Variants in SLC19A1 observed in about 807,000 individuals in gnomAD.
SLC19A1 encodes reduced folate transporter.
Under a neutral mutation model 35.3 loss-of-function variants are expected in SLC19A1, and 37 were observed. The observed-to-expected ratio is 1.05, with a 90% CI of 0.81 to 1.38. SLC19A1 has a LOEUF of 1.38. SLC19A1 is among the 40% of genes most tolerant of loss of function. The pLI, the probability that SLC19A1 is intolerant of heterozygous loss-of-function variation, is 0.00. For synonymous variants in SLC19A1, 460 were observed against 398.5 expected (o/e 1.15, Z -1.84); for missense variants, 831 against 826.9 (o/e 1.00, Z -0.06).
intron 3 of SLC19A1, chr21:45,505,146 G>A (rs1403429310): frequency 6.2e-7 from 1 of 1,609,488 alleles, no homozygotes; most frequent in Admixed American, 1.7e-5. Context: ...TCCCAAGGGA[G>A]AGAGCATCCG....
chr21:45,503,116 T>C (rs961338734), intron 3 of SLC19A1: 17 of 152,196 alleles, frequency 1.1e-4, no homozygotes, highest in Admixed American at 3.3e-4. Context: ...AAATGGTATT[T>C]CTAGTTCTAG....
chr21:45,507,411 C>T (rs957637475), intron 3 of SLC19A1: 29 of 650,730 alleles, frequency 4.5e-5, no homozygotes, highest in Non-Finnish European at 7.2e-5. Flanking sequence ...CTGGCACAGG[C>T]TTGGAGGGGC....
intron 1 of SLC19A1, among the ~76,000 whole-genome samples, chr21:45,560,403 G>A (rs564749498): frequency 4.6e-5 from 7 of 151,844 alleles, no homozygotes; most frequent in Middle Eastern, 3.4e-3. Flanking sequence ...TCTTGGAGAC[G>A]CTATGTGGGA....
chr21:45,553,275 G>T (rs2078485817), intron 1 of SLC19A1, among the ~76,000 whole-genome samples: 1 of 151,966 alleles, frequency 6.6e-6, no homozygotes. Flanking sequence ...CTGACCTTTA[G>T]GACCTGTGCA....
At chr21:45,562,710 C>T (rs754041798) in intron 1 of SLC19A1, among the ~76,000 whole-genome samples, 4 of 152,192 alleles carry the variant, frequency 2.6e-5, no homozygotes, top group African/African-American at 4.8e-5. Flanking sequence ...AACCACAGGA[C>T]GGAGTCCCAG....
At chr21:45,504,523 CCCCCCAGG>C (rs2037066973) in intron 3 of SLC19A1, 1 of 1,510,642 alleles carries the variant, frequency 6.6e-7, no homozygotes. Context: ...GCCCCCCAGG[CCCCCCAGG>C]CCCACGTGGC....
chr21:45,503,935 G>T, intron 3 of SLC19A1: 1 of 1,550,154 alleles, frequency 6.5e-7, no homozygotes. Context: ...AAACCCACCA[G>T]TGCTGGGGGC....
chr21:45,505,119 TGTC>T (rs780129279), intron 3 of SLC19A1: 2 of 1,606,626 alleles, frequency 1.2e-6, no homozygotes, highest in South Asian at 2.2e-5. Flanking sequence ...AAGCGTCTCT[TGTC>T]GCCGTCCGTA....
intron 3 of SLC19A1, chr21:45,503,098 G>A (rs1013428435): frequency 2.0e-5 from 3 of 152,168 alleles, no homozygotes; most frequent in East Asian, 3.8e-4. Flanking sequence ...TAATGGGATG[G>A]CTGGGTCAAA....
In SLC19A1 at chr21:45,504,305, G is replaced by T. The variant is rs539159746; in HGVS notation, c.498-5693C>A. The stretch of plus-strand genomic sequence containing the variant: ...ATTCTATGCAGCCAGCAGCTCCCAG[G>T]CCTGGGCTCCGGAAGCTTCTGACTG... On this transcript the variant is annotated intron_variant, in intron 3 of 4. Coordinates refer to the SLC19A1 transcript ENST00000417954. The T allele has an allele frequency of 4.6e-4, 515 of 1,129,900 alleles. 5 individuals carry two copies. The South Asian group carries it at 7.4e-3, about 16-fold the overall frequency. The allele number at this position is 1,129,900 out of a possible 1,614,324, so 70.0% of individuals were successfully genotyped here.
intron 4 of SLC19A1, among the ~76,000 whole-genome samples, chr21:45,528,124 G>A (rs1373648861): frequency 6.6e-6 from 1 of 151,914 alleles, no homozygotes; most frequent in African/African-American, 2.4e-5. Context: ...CGGCAGCAGG[G>A]AGGACGAGAG....
At chr21:45,549,341 C>G (rs192499907), upstream of SLC19A1, among the ~76,000 whole-genome samples, 7 of 151,984 alleles carry the variant, frequency 4.6e-5, no homozygotes, top group East Asian at 1.4e-3. Flanking sequence ...GGCTCGGGGT[C>G]AGTGGAATTG....
rs576689753 is a variant in SLC19A1 at position 45,532,215 on chromosome 21, G to A, written c.190-67C>T. On this transcript the variant is annotated intron_variant, in intron 2 of 5. Transcript: ENST00000311124. ...GCTGCCGCTGCGGCAGACACAGCCC[G>A]CCCGAGGTGATGGCTGCTGACGGCT... The A allele has an allele frequency of 1.2e-5, 17 of 1,364,046 alleles. No individual in the cohort carries two copies. In the Admixed American group the frequency reaches 2.3e-4, roughly 18 times the overall value. 84.5% of individuals were successfully genotyped at this position (1,364,046 alleles called of 1,614,324 possible).
chr21:45,548,004 A>G (rs538929972), upstream of SLC19A1, among the ~76,000 whole-genome samples: 14 of 152,366 alleles, frequency 9.2e-5, no homozygotes, highest in Admixed American at 2.6e-4. Flanking sequence ...ATTGAGATGG[A>G]AATGCAAAAG....
intron 5 of SLC19A1, among the ~76,000 whole-genome samples, chr21:45,520,176 T>A (rs1418511613): frequency 6.6e-6 from 1 of 152,090 alleles, no homozygotes; most frequent in African/African-American, 2.4e-5. Context: ...GGGATGCAAC[T>A]AAAGCAGTAC....
intron 3 of SLC19A1, chr21:45,504,588 G>A: frequency 6.4e-7 from 1 of 1,551,326 alleles, no homozygotes; most frequent in South Asian, 1.2e-5. Context: ...CAGAGCCCAT[G>A]TCCCAGGGGT....
At chr21:45,525,079 C>T (rs1279973357) in intron 5 of SLC19A1, among the ~76,000 whole-genome samples, 1 of 152,198 alleles carries the variant, frequency 6.6e-6, no homozygotes, top group African/African-American at 2.4e-5. Flanking sequence ...TGCTATTGCC[C>T]GGGCCTTACC....
chr21:45,528,227 A>G lies in SLC19A1; in HGVS notation c.1152-2269T>C, dbSNP rs533773173. On this transcript the variant is annotated intron_variant, in intron 4 of 5. Coordinates refer to ENST00000311124, the MANE Select transcript of SLC19A1 (RefSeq NM_194255.4). ...GCACAAACACGAGCTTCTGGATGCC[A>G]GCGCTGGGCAGGGCAGAGCCCAGGC... 3.3e-5 allele frequency among the ~76,000 whole-genome samples: 5 copies of G among 152,226 alleles called. No individual in the cohort carries two copies. The East Asian group carries it at 7.8e-4, about 24-fold the overall frequency.
At chr21:45,555,568 C>T (rs1472989865) in intron 1 of SLC19A1, among the ~76,000 whole-genome samples, 6 of 144,206 alleles carry the variant, frequency 4.2e-5, no homozygotes, top group African/African-American at 7.7e-5. Context: ...AGGGGACGGG[C>T]TTGCGTGGCC....
Sources: gnomAD v4.1 joint callset for allele counts (sites outside exome capture counted in the v4.1 genomes callset) on GRCh38, gnomAD v4.1.1 for gene constraint, MANE v1.5 for transcripts, NCBI Gene and HGNC (gene_info 2026-07-23, HGNC 2026-07-21) for gene names.